SCML4: variants seen among roughly 807,000 people sequenced by gnomAD.
SCML4 encodes the protein sex comb on midleg-like protein 4.
Under a neutral mutation model 41.1 loss-of-function variants are expected in SCML4, and 34 were observed. That is an observed-to-expected ratio of 0.83 (90% CI 0.63 to 1.10). The LOEUF (loss-of-function observed/expected upper bound fraction) is 1.10. SCML4 is among the 50% of genes least tolerant of loss of function. The probability of loss-of-function intolerance (pLI) is 0.00; values close to 1 mark genes in which losing one functional copy is unlikely to be tolerated. For synonymous variants in SCML4, 214 were observed against 220.9 expected, an observed-to-expected ratio of 0.97 and a Z score of 0.28; for missense variants, 522 against 534.1, an observed-to-expected ratio of 0.98 and a Z score of 0.22.
intron 1 of SCML4, among the ~76,000 whole-genome samples, chr6:107,795,893 C>T (rs1233883665): frequency 6.6e-6 from 1 of 152,194 alleles, no homozygotes; most frequent in Non-Finnish European, 1.5e-5. Flanking sequence ...ATTCTATCAC[C>T]ATAGATTAGT....
At chr6:107,825,951 A>AG (rs577547784), upstream of SCML4, among the ~76,000 whole-genome samples, 139 of 149,888 alleles carry the variant, frequency 9.3e-4, 2 homozygotes, top group South Asian at 0.026. Context: ...AAAAAAAAAA[A>AG]AAAAAGAAAA....
In SCML4 at chr6:107,707,953, G is replaced by A. The variant is rs544519127; in HGVS notation, c.1032C>T (p.Ser344=). The A allele has an allele frequency of 5.5e-5, 86 of 1,551,636 alleles. No homozygotes were observed. The Middle Eastern group carries it at 1.5e-3, about 27-fold the overall frequency. The change falls in exon 7 of 8, where the codon TCC becomes TCT. Residue 344 remains serine (S), a synonymous_variant. Transcript: ENST00000369020. ...ACACCACGTCCTCCACAGTCCAGGC[G>A]GAGGGGTTCCTGCTCCGTGGCCGCC... The part of the protein sequence containing the change: ...DARRPRSRNP[S]AWTVEDVVWF...
intron 2 of SCML4, among the ~76,000 whole-genome samples, chr6:107,765,972 A>C (rs1780000645): frequency 1.3e-5 from 2 of 152,362 alleles, no homozygotes; most frequent in South Asian, 4.1e-4. Flanking sequence ...AAATACTTAA[A>C]TTCTTTTTTG....
chr6:107,807,713 G>A (rs1562279092), intron 1 of SCML4, among the ~76,000 whole-genome samples: 2 of 152,134 alleles, frequency 1.3e-5, no homozygotes, highest in African/African-American at 4.8e-5. Flanking sequence ...GACTATATGG[G>A]GAAAATGCCT....
upstream of SCML4, among the ~76,000 whole-genome samples, chr6:107,825,414 T>A (rs72935368): frequency 0.085 from 12,960 of 152,128 alleles, 578 homozygotes; most frequent in East Asian, 0.13. Context: ...ATGTGTAGAG[T>A]CACATTAGAA....
intron 6 of SCML4, among the ~76,000 whole-genome samples, chr6:107,712,907 G>T (rs1232985428): frequency 4.6e-5 from 7 of 152,228 alleles, no homozygotes; most frequent in Non-Finnish European, 8.8e-5. Flanking sequence ...TTGCTCCTAA[G>T]CAGACAGAGC....
chr6:107,753,392 C>T (rs1035594983), intron 2 of SCML4, among the ~76,000 whole-genome samples: 2 of 152,144 alleles, frequency 1.3e-5, no homozygotes, highest in African/African-American at 4.8e-5. Context: ...ACGTTCACGG[C>T]AACACTATTT....
intron 1 of SCML4, among the ~76,000 whole-genome samples, chr6:107,808,850 A>G (rs9486722): frequency 0.02 from 2,980 of 152,290 alleles, 100 homozygotes; most frequent in African/African-American, 0.067. Flanking sequence ...TAAATAACAT[A>G]TATGTGTATT....
intron 2 of SCML4, among the ~76,000 whole-genome samples, chr6:107,753,645 A>C (rs533233063): frequency 6.6e-6 from 1 of 152,288 alleles, no homozygotes; most frequent in South Asian, 2.1e-4. Flanking sequence ...TTTTTAGCAA[A>C]ATTTAAAAAA....
At chr6:107,774,757 C>G (rs2114577498) in intron 1 of SCML4, among the ~76,000 whole-genome samples, 1 of 152,172 alleles carries the variant, frequency 6.6e-6, no homozygotes, top group South Asian at 2.1e-4. Context: ...TGCGGTGGCT[C>G]ACACCTGTAA....
intron 5 of SCML4, among the ~76,000 whole-genome samples, chr6:107,723,746 T>C (rs1775667387): frequency 6.6e-6 from 1 of 152,174 alleles, no homozygotes; most frequent in African/African-American, 2.4e-5. Context: ...TACTAATTCT[T>C]TACAAATTCT....
Position 107,736,097 on chromosome 6 carries a change from T to A in SCML4, c.682+8852A>T, listed in dbSNP as rs544750786. Among the ~76,000 whole-genome samples, 504 of 152,326 alleles carry A rather than the reference T, an allele frequency of 3.3e-3. 4 individuals are homozygous for A. The highest frequency in any genetic ancestry group is 5.5e-3 in the Non-Finnish European group (374 of 68,026). On this transcript the variant is annotated intron_variant, in intron 5 of 7. Transcript: ENST00000369020. Reference sequence around the variant, plus strand: ...TTCCCTGGCAGCTGGAATGATGGGCTGTGCCTGCCCCGTGGTTGTCATCCA... The same window carrying A: ...TTCCCTGGCAGCTGGAATGATGGGCAGTGCCTGCCCCGTGGTTGTCATCCA...
rs961367631 is a variant in SCML4 at position 107,777,446 on chromosome 6, G to GA, written c.-59-5061dup. ...GTCAGAATTTTTAAAATCAGAATTA[G>GA]AAAAATAGGATAAAGAGAAAAATAA... On this transcript the variant is annotated intron_variant, in intron 1 of 7. Coordinates refer to ENST00000369020, the MANE Select transcript of SCML4 (RefSeq NM_198081.5). Among the ~76,000 whole-genome samples the GA allele has an allele frequency of 1.5e-3, 230 of 152,182 alleles. 1 individual carries two copies. Among genetic ancestry groups the GA allele is most frequent in the African/African-American group, 5.4e-3 (225 of 41,508 alleles).
intron 1 of SCML4, among the ~76,000 whole-genome samples, chr6:107,807,972 A>AG (rs1783865729): frequency 6.6e-6 from 1 of 152,254 alleles, no homozygotes; most frequent in South Asian, 2.1e-4. Flanking sequence ...TTACAGTCTG[A>AG]GGGGAGCATA....
chr6:107,717,290 C>CAAA (rs11449697), intron 6 of SCML4, among the ~76,000 whole-genome samples: 5 of 119,122 alleles, frequency 4.2e-5, no homozygotes, highest in South Asian at 2.8e-4. Context: ...GACTCTGTCT[C>CAAA]AAAAAAAAAA....
rs1554223036 is a variant in SCML4, at chr6:107,804,248, C to CGTGTGTGTGTGTGTGTGT, written c.-60+19877_-60+19878insACACACACACACACACAC. On this transcript the variant is annotated intron_variant, in intron 1 of 7. Coordinates refer to ENST00000369020, the MANE Select transcript of SCML4 (RefSeq NM_198081.5). ...GCTAATTTACATTTTAAACATGAAACGTGTGTGTGTGTGCACAACTTGTAC... is the reference window on the plus strand; with the variant it reads ...GCTAATTTACATTTTAAACATGAAACGTGTGTGTGTGTGTGTGTGTGTGTGTGTGTGCACAACTTGTAC... Among the ~76,000 whole-genome samples, 975 of 150,748 alleles carry CGTGTGTGTGTGTGTGTGT rather than the reference C, an allele frequency of 6.5e-3. 10 individuals carry two copies. The highest frequency in any genetic ancestry group is 0.023 in the African/African-American group (936 of 41,160).
intron 1 of SCML4, among the ~76,000 whole-genome samples, chr6:107,779,040 C>A (rs529326507): frequency 3.7e-4 from 56 of 152,074 alleles, no homozygotes; most frequent in African/African-American, 1.3e-3. Context: ...ATTAGCCGGG[C>A]GTGGTGGCGG....
At chr6:107,736,511 T>A (rs950074380) in intron 5 of SCML4, among the ~76,000 whole-genome samples, 19 of 152,176 alleles carry the variant, frequency 1.2e-4, no homozygotes, top group Non-Finnish European at 2.8e-4. Flanking sequence ...TTGCTGTGTG[T>A]GTGGCTCTAA....
intron 6 of SCML4, among the ~76,000 whole-genome samples, chr6:107,709,728 G>A (rs940788071): frequency 6.6e-6 from 1 of 151,584 alleles, no homozygotes; most frequent in Non-Finnish European, 1.5e-5. Flanking sequence ...TTTATTTTTC[G>A]AGACAGAGTT....
Sources: gnomAD v4.1 joint callset for allele counts (sites outside exome capture counted in the v4.1 genomes callset) on GRCh38, gnomAD v4.1.1 for gene constraint, MANE v1.5 for transcripts, NCBI Gene and HGNC (gene_info 2026-07-23, HGNC 2026-07-21) for gene names.